FANCM: variants seen among roughly 807,000 people sequenced by gnomAD.
FANCM encodes Fanconi anemia group M protein.
In FANCM, 140 loss-of-function variants were observed where a neutral mutation model predicts 199.5. The observed-to-expected ratio is 0.70, with a 90% CI of 0.61 to 0.81. The LOEUF (loss-of-function observed/expected upper bound fraction) is 0.81, where lower values mean the gene tolerates loss of function less well. Ranked by LOEUF, FANCM falls within the 30% of genes least tolerant of loss-of-function variation. The pLI, the probability that FANCM is intolerant of heterozygous loss-of-function variation, is 0.00. For synonymous variants in FANCM, 840 were observed against 836.8 expected (o/e 1.00, Z -0.07); for missense variants, 2,410 against 2,421.4 (o/e 1.00, Z 0.10).
rs1890053191 is a variant in FANCM at position 45,196,309 on chromosome 14, A to C, written c.5478A>C (p.Glu1826Asp). ...KGTCILVGGH[E>D]ITSGLEVISS... is the part of the protein sequence containing the mutation. The stretch of plus-strand genomic sequence containing the variant: ...CCTGTATTCTTGTAGGTGGTCATGA[A>C]ATCACTTCTGGATTAGAAGTAATTT... Residue 1826 changes from glutamate to aspartate, a missense_variant, in exon 21 of 23, where the codon GAA (glutamate) becomes GAC (aspartate). By Grantham distance (45) the Glu-to-Asp change is conservative. Coordinates refer to ENST00000267430, the MANE Select transcript of FANCM (RefSeq NM_020937.4). 6.2e-7 allele frequency: 1 copy of C among 1,614,154 alleles called. No individual in the cohort carries two copies. Among genetic ancestry groups the C allele is most frequent in the African/African-American group, 1.3e-5 (1 of 75,056 alleles).
chr14:45,149,622 C>T (rs1411967345), intron 4 of FANCM, among the ~76,000 whole-genome samples: 2 of 152,166 alleles, frequency 1.3e-5, no homozygotes. Context: ...CCTGCCCCGA[C>T]CTCCCAAAGT....
At chr14:45,179,292 G>C (rs1888911325) in intron 14 of FANCM, among the ~76,000 whole-genome samples, 1 of 152,100 alleles carries the variant, frequency 6.6e-6, no homozygotes, top group Admixed American at 6.5e-5. Flanking sequence ...TCTTAACAAA[G>C]CATTTAAACT....
chr14:45,167,687 T>G (rs992007748), intron 11 of FANCM, among the ~76,000 whole-genome samples: 1 of 152,200 alleles, frequency 6.6e-6, no homozygotes, highest in Non-Finnish European at 1.5e-5. Flanking sequence ...GCTGGTTACC[T>G]TTCTCAAATA....
At chr14:45,182,785 G>A (rs571432861) in intron 16 of FANCM, among the ~76,000 whole-genome samples, 8 of 151,412 alleles carry the variant, frequency 5.3e-5, no homozygotes, top group Non-Finnish European at 1.0e-4. Context: ...GGAAAACATT[G>A]TATGTTGAAA....
At chr14:45,192,953 G>A (rs1218879372) in intron 20 of FANCM, among the ~76,000 whole-genome samples, 4 of 152,174 alleles carry the variant, frequency 2.6e-5, no homozygotes, top group African/African-American at 9.7e-5. Context: ...AGCCACTCAT[G>A]GGCTTTTCTT....
chr14:45,176,778 T>C lies in FANCM; in HGVS notation c.4024T>C (p.Ser1342Pro). 1 of 1,610,004 alleles carries C rather than the reference T, an allele frequency of 6.2e-7. No individual in the cohort carries two copies. The highest frequency in any genetic ancestry group is 8.5e-7 in the Non-Finnish European group (1 of 1,177,986). ...AAAAAAAGTTATGAGTACACCACTCTCTAAATCAAACACATTGAACTCATT... is the reference window on the plus strand; with the variant it reads ...AAAAAAAGTTATGAGTACACCACTCCCTAAATCAAACACATTGAACTCATT... Reference protein sequence around the residue: ...VQKKVMSTPLSKSNTLNSFSK... With the variant: ...VQKKVMSTPLPKSNTLNSFSK... The change falls in exon 14 of 23, where the codon TCT (serine) becomes CCT (proline). Residue 1342 changes from serine to proline, a missense_variant. Coordinates refer to ENST00000267430, the MANE Select transcript of FANCM (RefSeq NM_020937.4).
rs2139296568 is a variant in FANCM at position 45,189,067 on chromosome 14, A to C, written c.5045A>C (p.Asp1682Ala). ...DSSEEENNVN[D>A]KRESNIAVNP... Reference sequence around the variant, plus strand: ...AGTGAGGAGGAGAACAATGTAAATGATAAAAGAGAATCTAATATTGCGGTT... The same window carrying C: ...AGTGAGGAGGAGAACAATGTAAATGCTAAAAGAGAATCTAATATTGCGGTT... Residue 1682 changes from aspartate to alanine, a missense_variant, in exon 20 of 23, where the codon GAT (aspartate) becomes GCT (alanine). Coordinates refer to ENST00000267430, the MANE Select transcript of FANCM (RefSeq NM_020937.4). 6.8e-6 allele frequency: 11 copies of C among 1,614,186 alleles called. No individual in the cohort carries two copies. The highest frequency in any genetic ancestry group is 9.3e-6 in the Non-Finnish European group (11 of 1,179,982).
At position 45,197,455 on chromosome 14, in the gene FANCM, C is replaced by T. The variant is rs548785047; in HGVS notation, c.5716+908C>T. On this transcript the variant is annotated intron_variant, in intron 21 of 22. Coordinates refer to ENST00000267430, the MANE Select transcript of FANCM (RefSeq NM_020937.4). ...GATAAGTCATTTTATCTTTTGGTTA[C>T]CCAATTTTTTTTTTGTTTTTTTTTT... 2.0e-5 allele frequency among the ~76,000 whole-genome samples: 3 copies of T among 149,918 alleles called. No individual in the cohort carries two copies. In the East Asian group the frequency reaches 5.8e-4, roughly 29 times the overall value.
At chr14:45,168,593 C>G (rs1888132935) in intron 11 of FANCM, among the ~76,000 whole-genome samples, 1 of 150,426 alleles carries the variant, frequency 6.6e-6, no homozygotes, top group Non-Finnish European at 1.5e-5. Flanking sequence ...CCCCTTTTCT[C>G]TGATTTTTCA....
rs1435053344 is a variant in FANCM, at chr14:45,142,085, C to G, written c.759+1376C>G. ...CAAAAATAGAAGTCTTCGTTTGGTC[C>G]TCTCCCGTCTTCCCCTAATGTTAAC... On this transcript the variant is annotated intron_variant, in intron 3 of 22. Transcript: ENST00000267430. Among the ~76,000 whole-genome samples the G allele has an allele frequency of 5.9e-5, 9 of 152,112 alleles. No homozygotes were observed. In the Middle Eastern group the frequency reaches 0.014, roughly 230 times the overall value.
intron 19 of FANCM, 81 bp downstream of exon 19, chr14:45,187,968 T>C (rs1460361168): frequency 1.3e-6 from 1 of 766,880 alleles, no homozygotes; most frequent in Non-Finnish European, 2.3e-6. Context: ...CTCCATTTTG[T>C]TTCTAAAACT....
At chr14:45,183,309 GAT>G (rs973536176) in intron 16 of FANCM, among the ~76,000 whole-genome samples, 1 of 152,092 alleles carries the variant, frequency 6.6e-6, no homozygotes, top group African/African-American at 2.4e-5. Context: ...TCCTATAAGA[GAT>G]ATGGTGATAG....
chr14:45,162,452 G>T (rs1387519099), intron 9 of FANCM, among the ~76,000 whole-genome samples: 1 of 152,090 alleles, frequency 6.6e-6, no homozygotes, highest in Non-Finnish European at 1.5e-5. Flanking sequence ...TGAATTACTA[G>T]AAAGTAAAAT....
At chr14:45,143,934 T>C (rs763553375) in intron 3 of FANCM, among the ~76,000 whole-genome samples, 1 of 151,720 alleles carries the variant, frequency 6.6e-6, no homozygotes, top group Non-Finnish European at 1.5e-5. Flanking sequence ...CCTCGTGATC[T>C]ACCCACCTCA....
chr14:45,136,638 C>G lies in FANCM; in HGVS notation c.508+99C>G. Reference sequence around the variant, plus strand: ...AACATGTGCATCTTACGCCCTCCCTCTTAAAACATTCTCTACTTGCAGCAA... The same window carrying G: ...AACATGTGCATCTTACGCCCTCCCTGTTAAAACATTCTCTACTTGCAGCAA... On this transcript the variant is annotated intron_variant, in intron 1 of 22. Coordinates refer to ENST00000267430, the MANE Select transcript of FANCM (RefSeq NM_020937.4). 1.4e-5 allele frequency: 16 copies of G among 1,180,026 alleles called. No homozygotes were observed. In the South Asian group the frequency reaches 1.9e-4, roughly 14 times the overall value. 73.1% of individuals were successfully genotyped at this position (1,180,026 alleles called of 1,614,324 possible).
intron 16 of FANCM, among the ~76,000 whole-genome samples, chr14:45,182,445 T>G (rs565574765): frequency 2.0e-5 from 3 of 152,184 alleles, no homozygotes; most frequent in Non-Finnish European, 4.4e-5. Context: ...ATGACTCTGG[T>G]TTTTGGCTTG....
chr14:45,151,949 A>G (rs551945673), intron 5 of FANCM, among the ~76,000 whole-genome samples: 4 of 151,076 alleles, frequency 2.6e-5, no homozygotes, highest in South Asian at 2.1e-4. Context: ...AAATGTTTAT[A>G]TAGTTTATAA....
intron 3 of FANCM, 40 bp from the exon 4 acceptor site, chr14:45,148,797 A>G (rs1253168682): frequency 1.4e-6 from 2 of 1,469,750 alleles, no homozygotes; most frequent in Non-Finnish European, 1.9e-6. Context: ...AAAAAATTTT[A>G]ACATGTAGTT....
At position 45,135,954 on chromosome 14, in the gene FANCM, GA is replaced by G. The variant is rs963885499; in HGVS notation, c.-77del. The G allele has an allele frequency of 5.6e-5, 85 of 1,505,426 alleles. No individual in the cohort carries two copies. Among genetic ancestry groups the G allele is most frequent in the Non-Finnish European group, 7.5e-5 (81 of 1,086,194 alleles). 93.3% of individuals were successfully genotyped at this position (1,505,426 alleles called of 1,614,324 possible). A position where few individuals can be genotyped will look rare whatever the true frequency, so the allele number is the denominator to read the frequency against. On this transcript the variant is annotated 5_prime_UTR_variant, in exon 1 of 23. It removes an upstream start codon present in the reference 5' UTR. Transcript: ENST00000267430. ...TCCAGAGTTTTGTGCGAAGGAAACC[GA>G]TGGGGATCGGAACCGTAGCGGTTGA...
Sources: gnomAD v4.1 joint callset for allele counts (sites outside exome capture counted in the v4.1 genomes callset) on GRCh38, gnomAD v4.1.1 for gene constraint, MANE v1.5 for transcripts, NCBI Gene and HGNC (gene_info 2026-07-23, HGNC 2026-07-21) for gene names.